The following MAML2 variants were observed in gnomAD, a reference collection of about 807,000 sequenced individuals.
The protein encoded by MAML2 is mastermind-like protein 2.
In MAML2, 22 loss-of-function variants were observed where a neutral mutation model predicts 96.1. The ratio of observed to expected loss-of-function variants is 0.23; its 90% CI spans 0.16 to 0.33. MAML2 has a LOEUF of 0.33. Among genes scored for constraint, MAML2 ranks in the 10% least tolerant of loss-of-function variants. The pLI is 1.00. For synonymous variants in MAML2, 561 were observed against 521.3 expected, an observed-to-expected ratio of 1.08 and a Z score of -1.04; for missense variants, 1,367 against 1,392.4, an observed-to-expected ratio of 0.98 and a Z score of 0.29.
intron 2 of MAML2, among the ~76,000 whole-genome samples, chr11:96,051,709 A>G (rs1303243639): frequency 1.3e-5 from 2 of 152,214 alleles, no homozygotes; most frequent in African/African-American, 4.8e-5. Context: ...AAAGCCCACC[A>G]GTTAAAATTA....
intron 2 of MAML2, among the ~76,000 whole-genome samples, chr11:96,079,804 T>C (rs1590999374): frequency 6.6e-6 from 1 of 152,196 alleles, no homozygotes; most frequent in Non-Finnish European, 1.5e-5. Flanking sequence ...ACAGGGAACC[T>C]GATCAAGGAA....
intron 2 of MAML2, among the ~76,000 whole-genome samples, chr11:96,076,678 A>AG (rs1859445521): frequency 6.6e-6 from 1 of 152,132 alleles, no homozygotes; most frequent in Non-Finnish European, 1.5e-5. Flanking sequence ...GTACACTCAA[A>AG]GGGGACAATA....
At position 96,093,204 on chromosome 11, in the gene MAML2, C is replaced by T. The variant is rs751278707; in HGVS notation, c.827G>A (p.Ser276Asn). Residue 276 changes from serine to asparagine, a missense_variant, in exon 2 of 5, where the codon AGT (serine) becomes AAT (asparagine). Transcript: ENST00000524717. ...KKEPGETLSC[S>N]KHMDGQMTQE... Reference sequence around the variant, plus strand: ...GGTCATTTGGCCATCCATGTGCTTACTGCAAGACAGAGTCTCTCCTGGCTC... The same window carrying T: ...GGTCATTTGGCCATCCATGTGCTTATTGCAAGACAGAGTCTCTCCTGGCTC... The T allele has an allele frequency of 1.2e-6, 2 of 1,614,070 alleles. No homozygotes were observed. The highest frequency in any genetic ancestry group is 1.7e-6 in the Non-Finnish European group (2 of 1,179,910).
chr11:96,286,323 G>A (rs1449455397), intron 1 of MAML2, among the ~76,000 whole-genome samples: 1 of 152,126 alleles, frequency 6.6e-6, no homozygotes, highest in Non-Finnish European at 1.5e-5. Flanking sequence ...CAGTCCTGTC[G>A]GAGGGAGCAG....
intron 2 of MAML2, among the ~76,000 whole-genome samples, chr11:96,011,070 T>A (rs1858258131): frequency 6.6e-6 from 1 of 152,302 alleles, no homozygotes; most frequent in Admixed American, 6.5e-5. Context: ...AGTCAAAATA[T>A]AATACATGTT....
At chr11:96,179,193 T>A (rs1410755546) in intron 1 of MAML2, among the ~76,000 whole-genome samples, 1 of 152,170 alleles carries the variant, frequency 6.6e-6, no homozygotes, top group Non-Finnish European at 1.5e-5. Context: ...AAATGTCTGG[T>A]TCACCCCGGC....
chr11:96,154,295 A>G (rs1337176638), intron 1 of MAML2, among the ~76,000 whole-genome samples: 1 of 152,194 alleles, frequency 6.6e-6, no homozygotes, highest in African/African-American at 2.4e-5. Flanking sequence ...AAAACTTTTG[A>G]GCAGTCTGCA....
At position 96,235,200 on chromosome 11, in the gene MAML2, C is replaced by T. The variant is rs1862351746; in HGVS notation, c.513+106183G>A. 2.0e-5 allele frequency among the ~76,000 whole-genome samples: 3 copies of T among 152,218 alleles called. No individual in the cohort carries two copies. The South Asian group carries it at 6.3e-4, about 32-fold the overall frequency. The stretch of plus-strand genomic sequence containing the variant: ...AACGAGACTTCCATGCTTATTTTCT[C>T]CTTTAGATCCAGAGCAAACATCAGC... On this transcript the variant is annotated intron_variant, in intron 1 of 4. Coordinates refer to ENST00000524717, the MANE Select transcript of MAML2 (RefSeq NM_032427.4).
rs61903869 is a variant in MAML2, at chr11:96,034,458, T to A, written c.2140-42735A>T. On this transcript the variant is annotated intron_variant, in intron 2 of 4. Transcript: ENST00000524717. ...GAGAGAGAGAGAGAGAGAGAGAGAG[T>A]GTGTGTGTGTGTGTGTGTCAGAGAG... Among the ~76,000 whole-genome samples, 469 of 130,288 alleles carry A rather than the reference T, an allele frequency of 3.6e-3. 1 individual carries two copies. Among genetic ancestry groups the A allele is most frequent in the African/African-American group, 8.6e-3 (305 of 35,590 alleles). The allele number at this position is 130,288 out of a possible 152,430, so 85.5% of individuals were successfully genotyped here.
At chr11:96,257,804 C>T (rs898221497) in intron 1 of MAML2, among the ~76,000 whole-genome samples, 7 of 152,048 alleles carry the variant, frequency 4.6e-5, no homozygotes, top group East Asian at 3.9e-4. Context: ...AGAGGAGAGA[C>T]GAGAAGGACT....
chr11:95,984,666 G>T (rs187562514), intron 4 of MAML2, among the ~76,000 whole-genome samples: 1 of 152,280 alleles, frequency 6.6e-6, no homozygotes, highest in East Asian at 1.9e-4. Flanking sequence ...ATATTTAAAA[G>T]TACACTTAAC....
chr11:96,266,497 G>C (rs1308200568), intron 1 of MAML2, among the ~76,000 whole-genome samples: 1 of 152,012 alleles, frequency 6.6e-6, no homozygotes, highest in Non-Finnish European at 1.5e-5. Context: ...CATGAACCCA[G>C]GAGGCGGAGC....
intron 2 of MAML2, among the ~76,000 whole-genome samples, chr11:96,046,609 G>A (rs554881063): frequency 6.7e-4 from 102 of 152,308 alleles, no homozygotes; most frequent in African/African-American, 2.4e-3. Context: ...ATTTGAACAG[G>A]TGAACTCTGC....
chr11:96,141,909 A>G (rs569386284), intron 1 of MAML2, among the ~76,000 whole-genome samples: 12 of 152,340 alleles, frequency 7.9e-5, no homozygotes, highest in Admixed American at 3.3e-4. Context: ...GCATCACCAC[A>G]GCAATCTGAG....
chr11:96,146,218 G>C (rs1860816921), intron 1 of MAML2, among the ~76,000 whole-genome samples: 1 of 152,150 alleles, frequency 6.6e-6, no homozygotes, highest in African/African-American at 2.4e-5. Flanking sequence ...ATTGGTAGCA[G>C]GAGCTTAACT....
intron 1 of MAML2, among the ~76,000 whole-genome samples, chr11:96,206,826 T>A (rs183615389): frequency 1.3e-5 from 2 of 152,284 alleles, no homozygotes; most frequent in East Asian, 3.9e-4. Flanking sequence ...TCAAATACTT[T>A]GGAAATTTCT....
intron 1 of MAML2, among the ~76,000 whole-genome samples, chr11:96,101,694 G>A (rs182315159): frequency 5.3e-5 from 8 of 152,266 alleles, no homozygotes; most frequent in Non-Finnish European, 1.0e-4. Context: ...CTCCATCACC[G>A]GCAGCTCTTT....
At chr11:96,023,089 T>A (rs1858460777) in intron 2 of MAML2, among the ~76,000 whole-genome samples, 1 of 152,026 alleles carries the variant, frequency 6.6e-6, no homozygotes, top group African/African-American at 2.4e-5. Flanking sequence ...AGTTCAGGAA[T>A]GAGAAGTTAG....
intron 2 of MAML2, among the ~76,000 whole-genome samples, chr11:96,036,828 G>T (rs1358695417): frequency 6.6e-6 from 1 of 152,098 alleles, no homozygotes; most frequent in Non-Finnish European, 1.5e-5. Context: ...TTCCAGGTGT[G>T]CTGCGGCTAA....
Sources: allele counts gnomAD v4.1 joint callset (sites outside exome capture counted in the v4.1 genomes callset), GRCh38; gene constraint gnomAD v4.1.1; transcripts MANE v1.5; gene names NCBI Gene and HGNC (gene_info 2026-07-23, HGNC 2026-07-21).